LIPH: variants seen among roughly 807,000 people sequenced by gnomAD.
LIPH encodes the protein lipase member H.
A neutral mutation model predicts 47.6 loss-of-function variants in LIPH; 32 were observed. The observed-to-expected ratio is 0.67, with a 90% CI of 0.51 to 0.90. The LOEUF (loss-of-function observed/expected upper bound fraction) is 0.90, where lower values mean the gene tolerates loss of function less well. LIPH is among the 40% of genes least tolerant of loss of function. The pLI is 0.00. For missense variants in LIPH, 497 were observed against 541.4 expected, an observed-to-expected ratio of 0.92 and a Z score of 0.81; for synonymous variants, 190 against 195.6, an observed-to-expected ratio of 0.97 and a Z score of 0.24.
Position 185,520,870 on chromosome 3 carries a change from A to G in LIPH, c.719-1561T>C, listed in dbSNP as rs552398957. Among the ~76,000 whole-genome samples the G allele has an allele frequency of 1.0e-4, 10 of 96,762 alleles. 2 individuals are homozygous for G. In the South Asian group the frequency reaches 4.6e-3, roughly 45 times the overall value. The allele number at this position is 96,762 out of a possible 152,430, so 63.5% of individuals were successfully genotyped here. On this transcript the variant is annotated intron_variant, in intron 5 of 9. Coordinates refer to ENST00000296252, the MANE Select transcript of LIPH (RefSeq NM_139248.3). ...TAGATCTAATCAAGTACTAGCTTCT[A>G]TCTTTTTTTTTTTTTTTGAGATGGA...
At chr3:185,525,142 A>G (rs933872107) in intron 4 of LIPH, among the ~76,000 whole-genome samples, 1 of 152,078 alleles carries the variant, frequency 6.6e-6, no homozygotes. Context: ...TCGAGCTAGG[A>G]GGAGGAGGGT....
At chr3:185,545,763 CAG>C (rs1035275232) in intron 1 of LIPH, among the ~76,000 whole-genome samples, 31 of 152,214 alleles carry the variant, frequency 2.0e-4, no homozygotes, top group African/African-American at 7.0e-4. Flanking sequence ...GTTTTGGAGT[CAG>C]ACCTAGGTTT....
At chr3:185,539,573 G>A (rs1047574868) in intron 1 of LIPH, among the ~76,000 whole-genome samples, 2 of 151,388 alleles carry the variant, frequency 1.3e-5, no homozygotes, top group Non-Finnish European at 2.9e-5. Context: ...GTTTCACCTT[G>A]TTGGCCAGGC....
At chr3:185,552,347 T>G in intron 1 of LIPH, 76 bp downstream of exon 1, 1 of 1,009,020 alleles carries the variant, frequency 9.9e-7, no homozygotes, top group Non-Finnish European at 1.6e-6. Flanking sequence ...GGAAGTGGAA[T>G]GATGACATGC....
intron 4 of LIPH, among the ~76,000 whole-genome samples, chr3:185,524,651 AT>A (rs1720010967): frequency 1.3e-5 from 2 of 151,906 alleles, no homozygotes; most frequent in African/African-American, 4.8e-5. Context: ...GGGTTTCACC[AT>A]GTTGTCCAGG....
chr3:185,525,803 A>G (rs941618734), intron 4 of LIPH, among the ~76,000 whole-genome samples: 11 of 152,246 alleles, frequency 7.2e-5, no homozygotes, highest in Non-Finnish European at 1.3e-4. Flanking sequence ...TGCAAACTTC[A>G]TAGTAAGAAT....
Position 185,519,126 on chromosome 3 carries a change from T to G in LIPH, c.886+16A>C, listed in dbSNP as rs754745330. 6.2e-7 allele frequency: 1 copy of G among 1,610,816 alleles called. No homozygotes were observed. The highest frequency in any genetic ancestry group is 8.5e-7 in the Non-Finnish European group (1 of 1,176,972). On this transcript the variant is annotated intron_variant, in intron 6 of 9. Coordinates refer to ENST00000296252, the MANE Select transcript of LIPH (RefSeq NM_139248.3). ...GTTCTTTGTGAATCAGAGAGGAAACTGCTGGTTAGACTTACCCAGAAGGGG... is the reference window on the plus strand; with the variant it reads ...GTTCTTTGTGAATCAGAGAGGAAACGGCTGGTTAGACTTACCCAGAAGGGG...
intron 1 of LIPH, among the ~76,000 whole-genome samples, chr3:185,538,954 T>C (rs56012002): frequency 7.2e-6 from 1 of 139,628 alleles, no homozygotes; most frequent in African/African-American, 2.5e-5. Flanking sequence ...TACATATATA[T>C]ACACATATAT....
In LIPH at chr3:185,541,667, A is replaced by T. The variant is rs1014864187; in HGVS notation, c.50-6535T>A. Among the ~76,000 whole-genome samples the T allele has an allele frequency of 4.6e-5, 7 of 151,942 alleles. 1 individual carries two copies. The highest frequency in any genetic ancestry group is 2.6e-4 in the Admixed American group (4 of 15,246). On this transcript the variant is annotated intron_variant, in intron 1 of 9. Coordinates refer to ENST00000296252, the MANE Select transcript of LIPH (RefSeq NM_139248.3). Reference sequence around the variant, plus strand: ...ATGATCCTCCTGCCTCAGCCTCCCAAAGTGTGGGATTATAGGCGTGAGCCA... The same window carrying T: ...ATGATCCTCCTGCCTCAGCCTCCCATAGTGTGGGATTATAGGCGTGAGCCA...
At chr3:185,528,916 C>A (rs1409622141) in intron 3 of LIPH, among the ~76,000 whole-genome samples, 1 of 150,964 alleles carries the variant, frequency 6.6e-6, no homozygotes, top group African/African-American at 2.4e-5. Context: ...GTAATCCCAG[C>A]ACTTTGGGAG....
intron 3 of LIPH, 135 bp downstream of exon 3, chr3:185,533,436 G>T: frequency 1.4e-6 from 1 of 730,618 alleles, no homozygotes. Flanking sequence ...CCTTTTGCAT[G>T]CAATGACCCA....
In LIPH at chr3:185,538,630, T is replaced by C. The variant is rs190839874; in HGVS notation, c.50-3498A>G. Among the ~76,000 whole-genome samples the C allele has an allele frequency of 4.9e-3, 387 of 79,638 alleles. 2 individuals are homozygous for C. The highest frequency in any genetic ancestry group is 8.4e-3 in the Non-Finnish European group (290 of 34,540). The allele number at this position is 79,638 out of a possible 152,430, so 52.2% of individuals were successfully genotyped here. A position where few individuals can be genotyped will look rare whatever the true frequency, so the allele number is the denominator to read the frequency against. On this transcript the variant is annotated intron_variant, in intron 1 of 9. Transcript: ENST00000296252. ...TTTGTAGATTTTTTCTTTTATTACC[T>C]ATGCTTAATGTTTCAGGTGTTATGT...
chr3:185,514,573 C>T (rs1719669200), intron 7 of LIPH, 52 bp from the exon 8 acceptor site: 1 of 796,478 alleles, frequency 1.3e-6, no homozygotes, highest in Non-Finnish European at 2.3e-6. Context: ...CAACTGATCC[C>T]CTGAAGGGCT....
intron 2 of LIPH, among the ~76,000 whole-genome samples, chr3:185,534,086 A>G (rs1213507500): frequency 6.6e-6 from 1 of 152,088 alleles, no homozygotes; most frequent in Non-Finnish European, 1.5e-5. Context: ...AGCCGGGCGC[A>G]GTGGCTCACG....
rs55846829 is a variant in LIPH, at chr3:185,522,636, G to GAGAGAAAGAAA, written c.718+1434_718+1435insTTTCTTTCTCT. 1.2e-3 allele frequency among the ~76,000 whole-genome samples: 173 copies of GAGAGAAAGAAA among 138,916 alleles called. 2 individuals are homozygous for GAGAGAAAGAAA. The highest frequency in any genetic ancestry group is 4.5e-3 in the African/African-American group (166 of 37,164). 91.1% of individuals were successfully genotyped at this position (138,916 alleles called of 152,430 possible). On this transcript the variant is annotated intron_variant, in intron 5 of 9. Coordinates refer to ENST00000296252, the MANE Select transcript of LIPH (RefSeq NM_139248.3). ...GGGAGAGAGAAAGAAAGAAGGAAAA[G>GAGAGAAAGAAA]AAAGAGAGAAAGAAAAAGAAAGAAA...
intron 1 of LIPH, among the ~76,000 whole-genome samples, chr3:185,545,953 T>A (rs1720857636): frequency 6.7e-6 from 1 of 150,024 alleles, no homozygotes; most frequent in Admixed American, 6.7e-5. Context: ...GTCAGGAGTT[T>A]GAGACCAGCC....
chr3:185,512,051 A>G (rs1336996682), intron 8 of LIPH, among the ~76,000 whole-genome samples: 1 of 152,056 alleles, frequency 6.6e-6, no homozygotes, highest in Non-Finnish European at 1.5e-5. Flanking sequence ...ACATTCCGCA[A>G]GGGGGGCATT....
intron 4 of LIPH, among the ~76,000 whole-genome samples, chr3:185,525,930 G>A (rs1720054360): frequency 6.6e-6 from 1 of 152,290 alleles, no homozygotes; most frequent in Admixed American, 6.5e-5. Context: ...TGAAGAGAAT[G>A]TCCGATTAAA....
At position 185,508,667 on chromosome 3, in the gene LIPH, C is replaced by A; in HGVS notation, c.*123G>T. 1 of 748,674 alleles carries A rather than the reference C, an allele frequency of 1.3e-6. No individual in the cohort carries two copies. Among genetic ancestry groups the A allele is most frequent in the Non-Finnish European group, 2.4e-6 (1 of 414,100 alleles). 46.4% of individuals were successfully genotyped at this position (748,674 alleles called of 1,614,324 possible). On this transcript the variant is annotated 3_prime_UTR_variant, in exon 10 of 10. Coordinates refer to ENST00000296252, the MANE Select transcript of LIPH (RefSeq NM_139248.3). Reference sequence around the variant, plus strand: ...ACAATGTGACATCCATAGGACGCTACTGAAAAAAGCCTTGGTTTTTTTCAT... The same window carrying A: ...ACAATGTGACATCCATAGGACGCTAATGAAAAAAGCCTTGGTTTTTTTCAT...
Sources: allele counts gnomAD v4.1 joint callset (sites outside exome capture counted in the v4.1 genomes callset), GRCh38; gene constraint gnomAD v4.1.1; transcripts MANE v1.5; gene names NCBI Gene and HGNC (gene_info 2026-07-23, HGNC 2026-07-21).